The following NAA15 variants were observed in gnomAD, a reference collection of about 807,000 sequenced individuals.
NAA15 encodes the protein N-alpha-acetyltransferase 15, NatA auxiliary subunit.
A neutral mutation model predicts 114.0 loss-of-function variants in NAA15; 34 were observed. That is an observed-to-expected ratio of 0.30 (90% CI 0.23 to 0.40). The LOEUF is 0.40. Ranked by LOEUF, NAA15 falls within the 10% of genes least tolerant of loss-of-function variation. NAA15 has a pLI of 1.00. For synonymous variants in NAA15, 340 were observed against 338.0 expected (o/e 1.01, Z -0.06); for missense variants, 658 against 1,004.5 (o/e 0.66, Z 4.66).
intron 12 of NAA15, 59 bp downstream of exon 12, chr4:139,359,954 G>C: frequency 1.4e-6 from 2 of 1,429,776 alleles, no homozygotes; most frequent in Non-Finnish European, 1.9e-6. Flanking sequence ...GTTCATACTT[G>C]TATAACATGC....
chr4:139,386,413 A>C (rs1748911145), intron 19 of NAA15, 183 bp downstream of exon 19: 2 of 426,616 alleles, frequency 4.7e-6, no homozygotes, highest in Non-Finnish European at 8.3e-6. Flanking sequence ...TGTAGCTTGG[A>C]ATAACTTTTT....
At chr4:139,320,471 C>T (rs909517967) in intron 1 of NAA15, among the ~76,000 whole-genome samples, 2 of 151,936 alleles carry the variant, frequency 1.3e-5, no homozygotes, top group African/African-American at 4.8e-5. Context: ...TTGCTTTTCC[C>T]AGTTCTTTCT....
Position 139,312,845 on chromosome 4 carries a change from G to T in NAA15, c.54+11014G>T, listed in dbSNP as rs1217961648. Among the ~76,000 whole-genome samples the T allele has an allele frequency of 3.3e-5, 5 of 151,090 alleles. No homozygotes were observed. In the East Asian group the frequency reaches 5.8e-4, roughly 18 times the overall value. Reference sequence around the variant, plus strand: ...TGGGTGACAGAATGAGACCTTGTCTGGGGGGGAAAAAAAAAGTAAAATAAA... The same window carrying T: ...TGGGTGACAGAATGAGACCTTGTCTTGGGGGGAAAAAAAAAGTAAAATAAA... On this transcript the variant is annotated intron_variant, in intron 1 of 19. Transcript: ENST00000296543.
At chr4:139,326,962 C>CTG (rs1746821968) in intron 1 of NAA15, among the ~76,000 whole-genome samples, 2 of 151,962 alleles carry the variant, frequency 1.3e-5, no homozygotes, top group African/African-American at 4.8e-5. Flanking sequence ...GAAACAGAGT[C>CTG]TCTCTGTGTC....
In NAA15 at chr4:139,331,548, G is replaced by A. The variant is rs868622431; in HGVS notation, c.55-2626G>A. 4.0e-5 allele frequency among the ~76,000 whole-genome samples: 6 copies of A among 150,756 alleles called. No individual in the cohort carries two copies. The South Asian group carries it at 1.3e-3, about 31-fold the overall frequency. On this transcript the variant is annotated intron_variant, in intron 1 of 19. Coordinates refer to ENST00000296543, the MANE Select transcript of NAA15 (RefSeq NM_057175.5). ...TGCAGCCTCCGCCTCCCAGCTTCCAGTGATTCTCCTGCCTCAGCCTCCCAA... is the reference window on the plus strand; with the variant it reads ...TGCAGCCTCCGCCTCCCAGCTTCCAATGATTCTCCTGCCTCAGCCTCCCAA...
chr4:139,334,284 C>G, intron 2 of NAA15, 26 bp downstream of exon 2: 1 of 1,438,248 alleles, frequency 7.0e-7, no homozygotes, highest in South Asian at 1.3e-5. Context: ...TAAAGCTTTA[C>G]TACATACCTG....
intron 5 of NAA15, among the ~76,000 whole-genome samples, 159 bp from the exon 6 acceptor site, chr4:139,344,027 T>A (rs1485586198): frequency 6.6e-6 from 1 of 152,246 alleles, no homozygotes; most frequent in Non-Finnish European, 1.5e-5. Context: ...TTGTCATTAT[T>A]TACTCAGTTG....
intron 9 of NAA15, among the ~76,000 whole-genome samples, chr4:139,351,846 A>G (rs1407450312): frequency 2.0e-5 from 3 of 151,592 alleles, no homozygotes; most frequent in African/African-American, 7.3e-5. Flanking sequence ...TAAACTTTTA[A>G]TGAGTCACTG....
chr4:139,381,167 A>G (rs1465256760), intron 17 of NAA15, among the ~76,000 whole-genome samples: 3 of 152,198 alleles, frequency 2.0e-5, no homozygotes, highest in Non-Finnish European at 4.4e-5. Flanking sequence ...TAAATGCTGC[A>G]TGCAGTTATT....
chr4:139,306,877 G>T (rs909976467), intron 1 of NAA15, among the ~76,000 whole-genome samples: 3 of 152,174 alleles, frequency 2.0e-5, no homozygotes, highest in Non-Finnish European at 4.4e-5. Flanking sequence ...TCAAGTATTG[G>T]TAGGTTGGTT....
chr4:139,378,933 T>C, intron 17 of NAA15, 79 bp downstream of exon 17: 1 of 866,636 alleles, frequency 1.2e-6, no homozygotes, highest in Non-Finnish European at 1.8e-6. Context: ...TACAAGTTTA[T>C]CATAAACCAA....
chr4:139,332,471 T>C (rs752661012), intron 1 of NAA15, among the ~76,000 whole-genome samples: 5 of 151,918 alleles, frequency 3.3e-5, no homozygotes, highest in East Asian at 1.9e-4. Flanking sequence ...TTTCTTTTAA[T>C]GGCTTCCTAA....
At chr4:139,360,385 T>A in intron 12 of NAA15, 115 bp from the exon 13 acceptor site, 2 of 860,994 alleles carry the variant, frequency 2.3e-6, no homozygotes, top group Non-Finnish European at 3.3e-6. Context: ...AAGAATGTTT[T>A]AAAAATTTTT....
chr4:139,348,452 CAAAAA>C (rs35328479), intron 6 of NAA15, among the ~76,000 whole-genome samples: 2 of 88,006 alleles, frequency 2.3e-5, no homozygotes. Flanking sequence ...GACTGTATCA[CAAAAA>C]AAAAAAAAAA....
At chr4:139,335,155 A>C (rs1307558054) in intron 2 of NAA15, among the ~76,000 whole-genome samples, 1 of 152,154 alleles carries the variant, frequency 6.6e-6, no homozygotes, top group African/African-American at 2.4e-5. Context: ...CCTTGTCTTT[A>C]TTATGACAAA....
chr4:139,314,658 A>G (rs908183013), intron 1 of NAA15, among the ~76,000 whole-genome samples: 16 of 151,850 alleles, frequency 1.1e-4, no homozygotes, highest in African/African-American at 3.9e-4. Context: ...AGACTTAAGC[A>G]TCTTCCAACT....
rs910625163 is a variant in NAA15 at position 139,390,109 on chromosome 4, A to G, written c.*2025A>G. The stretch of plus-strand genomic sequence containing the variant: ...GTGAATTTTGTTTAAACTCTACTGT[A>G]TATTGAAATGAAATTCATTTATTTG... On this transcript the variant is annotated 3_prime_UTR_variant, in exon 20 of 20. Transcript: ENST00000296543. 3 of 152,644 alleles carry G rather than the reference A, an allele frequency of 2.0e-5. No homozygotes were observed. Among genetic ancestry groups the G allele is most frequent in the African/African-American group, 7.2e-5 (3 of 41,466 alleles). The allele number at this position is 152,644 out of a possible 1,614,324, so 9.5% of individuals were successfully genotyped here. A position where few individuals can be genotyped will look rare whatever the true frequency, so the allele number is the denominator to read the frequency against.
At chr4:139,335,288 C>T (rs548282577) in intron 2 of NAA15, among the ~76,000 whole-genome samples, 150 of 152,308 alleles carry the variant, frequency 9.8e-4, no homozygotes, top group African/African-American at 2.6e-3. Context: ...AGTAGGCATA[C>T]TCATAATGTG....
rs1748141879 is a variant in NAA15 at position 139,361,840 on chromosome 4, A to G, written c.1656A>G (p.Pro552=). 6.2e-7 allele frequency: 1 copy of G among 1,613,614 alleles called. No homozygotes were observed. The highest frequency in any genetic ancestry group is 2.2e-5 in the East Asian group (1 of 44,790). The part of the protein sequence containing the change: ...LKLEDVLRQH[P]FYFKAARIAI... ...TAGAAGATGTACTTCGACAGCATCC[A>G]TTTTACTTCAAGGCAGCAAGAATTG... Residue 552 remains proline (P), a synonymous_variant, in exon 14 of 20, where the codon CCA becomes CCG. Transcript: ENST00000296543.
Sources: gnomAD v4.1 joint callset for allele counts (sites outside exome capture counted in the v4.1 genomes callset) on GRCh38, gnomAD v4.1.1 for gene constraint, MANE v1.5 for transcripts, NCBI Gene and HGNC (gene_info 2026-07-23, HGNC 2026-07-21) for gene names.